Variants in ANO1 observed in about 807,000 individuals in gnomAD.
ANO1 encodes the protein anoctamin-1.
Under a neutral mutation model 124.0 loss-of-function variants are expected in ANO1, and 59 were observed. The observed-to-expected ratio is 0.48, with a 90% CI of 0.39 to 0.59. The LOEUF (loss-of-function observed/expected upper bound fraction) is 0.59. Ranked by LOEUF, ANO1 falls within the 20% of genes least tolerant of loss-of-function variation. ANO1 has a pLI of 0.00. For synonymous variants in ANO1, 529 were observed against 532.0 expected, an observed-to-expected ratio of 0.99 and a Z score of 0.08; for missense variants, 1,059 against 1,328.0, an observed-to-expected ratio of 0.80 and a Z score of 3.15.
intron 2 of ANO1, among the ~76,000 whole-genome samples, chr11:70,101,304 A>G (rs2045262019): frequency 1.3e-5 from 2 of 152,052 alleles, no homozygotes; most frequent in South Asian, 4.2e-4. Context: ...CTCATCCCCA[A>G]GTACACTTTG....
At chr11:70,115,934 A>G (rs1477679262) in intron 7 of ANO1, among the ~76,000 whole-genome samples, 1 of 152,102 alleles carries the variant, frequency 6.6e-6, no homozygotes. Flanking sequence ...TGTCCTCAGA[A>G]ATGTCAGTTT....
At chr11:70,154,096 G>A (rs953690006) in intron 14 of ANO1, among the ~76,000 whole-genome samples, 2 of 152,170 alleles carry the variant, frequency 1.3e-5, no homozygotes, top group Non-Finnish European at 2.9e-5. Flanking sequence ...TTCACATGAT[G>A]TGGGACAAGC....
At chr11:70,054,294 C>T (rs1857399743) in intron 1 of ANO1, among the ~76,000 whole-genome samples, 1 of 152,234 alleles carries the variant, frequency 6.6e-6, no homozygotes, top group Non-Finnish European at 1.5e-5. Flanking sequence ...TGCAAGTCAT[C>T]CCCACTGGGT....
the ANO1 span, among the ~76,000 whole-genome samples, chr11:69,970,558 A>T: frequency 7.2e-5 from 11 of 152,132 alleles, no homozygotes; most frequent in Non-Finnish European, 1.5e-4. Flanking sequence ...ACATAAGGGG[A>T]ACTCTGTGAC....
chr11:70,158,294 C>A (rs2135691170), intron 16 of ANO1, among the ~76,000 whole-genome samples: 1 of 152,322 alleles, frequency 6.6e-6, no homozygotes, highest in South Asian at 2.1e-4. Flanking sequence ...GTACTCGGAG[C>A]CAGCCGTGGT....
At chr11:70,174,920 AAAAAG>A (rs59754818) in intron 22 of ANO1, among the ~76,000 whole-genome samples, 34,644 of 149,802 alleles carry the variant, frequency 0.23, 4,279 homozygotes, top group African/African-American at 0.29. Flanking sequence ...AAAGAAAAGA[AAAAAG>A]AAAAGAAAAG....
At chr11:70,114,922 C>T (rs112795368) in intron 7 of ANO1, among the ~76,000 whole-genome samples, 143 of 152,302 alleles carry the variant, frequency 9.4e-4, no homozygotes, top group African/African-American at 3.2e-3. Context: ...GTGTATCACC[C>T]GTACTGAAAG....
chr11:70,044,547 GAAAT>G (rs1157942659), intron 1 of ANO1, among the ~76,000 whole-genome samples: 15 of 152,158 alleles, frequency 9.9e-5, no homozygotes, highest in African/African-American at 3.1e-4. Flanking sequence ...AGTCCAAATG[GAAAT>G]AAATAATGAA....
chr11:70,148,075 G>A (rs765717121), intron 11 of ANO1, among the ~76,000 whole-genome samples: 2 of 152,196 alleles, frequency 1.3e-5, no homozygotes, highest in African/African-American at 2.4e-5. Flanking sequence ...AATGGGATGT[G>A]TTATGCATAG....
At chr11:70,159,107 G>A (rs956450652) in intron 16 of ANO1, among the ~76,000 whole-genome samples, 9 of 152,178 alleles carry the variant, frequency 5.9e-5, no homozygotes, top group Non-Finnish European at 8.8e-5. Flanking sequence ...GTGGCCCCAC[G>A]ATGCCATCAG....
chr11:70,010,150 TGTGTGTGTGTGTGTGCGC>T (rs1856565058), intron 1 of ANO1, among the ~76,000 whole-genome samples: 1 of 60,628 alleles, frequency 1.6e-5, no homozygotes, highest in African/African-American at 5.7e-5. Flanking sequence ...TGTGTGTGTG[TGTGTGTGTGTGTGTGCGC>T]GTGTGTGTGT....
chr11:70,085,080 T>G (rs945160088), intron 1 of ANO1, among the ~76,000 whole-genome samples: 19 of 152,062 alleles, frequency 1.2e-4, no homozygotes, highest in Non-Finnish European at 1.5e-4. Context: ...AGATGGGACT[T>G]GAGGCTGAGC....
chr11:70,109,859 T>G (rs372916630), intron 6 of ANO1, among the ~76,000 whole-genome samples: 2 of 152,204 alleles, frequency 1.3e-5, no homozygotes, highest in African/African-American at 4.8e-5. Flanking sequence ...CGGGGCTGGT[T>G]CCCTGCACCT....
At chr11:70,041,285 C>A (rs373946093) in intron 1 of ANO1, among the ~76,000 whole-genome samples, 34 of 152,280 alleles carry the variant, frequency 2.2e-4, no homozygotes, top group African/African-American at 7.7e-4. Context: ...TTTCTGTGAA[C>A]CTTGACCCCT....
intron 21 of ANO1, chr11:70,170,236 G>A: frequency 6.7e-6 from 3 of 450,208 alleles, no homozygotes; most frequent in South Asian, 4.7e-5. Flanking sequence ...TCCCTTCCCA[G>A]CATGGGCAGG....
At chr11:70,065,526 G>A (rs1347554261) in intron 1 of ANO1, among the ~76,000 whole-genome samples, 1 of 152,146 alleles carries the variant, frequency 6.6e-6, no homozygotes, top group African/African-American at 2.4e-5. Flanking sequence ...CTCCTGGCCT[G>A]AAGGCCCTGC....
chr11:70,051,855 C>T (rs549186632), intron 1 of ANO1, among the ~76,000 whole-genome samples: 1 of 152,200 alleles, frequency 6.6e-6, no homozygotes, highest in Non-Finnish European at 1.5e-5. Context: ...TTTTCACTTA[C>T]TTAATGTTGT....
chr11:70,032,641 G>A (rs1857023451), intron 1 of ANO1, among the ~76,000 whole-genome samples: 1 of 152,154 alleles, frequency 6.6e-6, no homozygotes, highest in African/African-American at 2.4e-5. Flanking sequence ...CGTTTACTGA[G>A]ACGAGGCCCC....
chr11:70,037,931 G>C (rs1267988772), intron 1 of ANO1, among the ~76,000 whole-genome samples: 2 of 152,106 alleles, frequency 1.3e-5, no homozygotes, highest in Non-Finnish European at 2.9e-5. Flanking sequence ...ACAACCCAAG[G>C]AGAAAGCAGT....
Sources: gnomAD v4.1 joint callset for allele counts (sites outside exome capture counted in the v4.1 genomes callset) on GRCh38, gnomAD v4.1.1 for gene constraint, MANE v1.5 for transcripts, NCBI Gene and HGNC (gene_info 2026-07-23, HGNC 2026-07-21) for gene names.